Variants in CRTC2 observed in about 807,000 individuals in gnomAD.
CRTC2 encodes the protein CREB regulated transcription coactivator 2.
A neutral mutation model predicts 70.9 loss-of-function variants in CRTC2; 25 were observed. The ratio of observed to expected loss-of-function variants is 0.35; its 90% CI spans 0.26 to 0.49. The LOEUF is 0.49. Ranked by LOEUF, CRTC2 falls within the 20% of genes least tolerant of loss-of-function variation. CRTC2 has a pLI of 0.98. For synonymous variants in CRTC2, 330 were observed against 364.1 expected (o/e 0.91, Z 1.07); for missense variants, 737 against 882.6 (o/e 0.83, Z 2.09).
chr1:153,958,071 C>T, intron 1 of CRTC2: 1 of 1,348,158 alleles, frequency 7.4e-7, no homozygotes, highest in Non-Finnish European at 9.5e-7. Flanking sequence ...CTCCTACCTC[C>T]GCCGGACTTC....
intron 8 of CRTC2, 25 bp downstream of exon 8, chr1:153,952,546 G>A (rs1680388453): frequency 6.2e-7 from 1 of 1,613,328 alleles, no homozygotes; most frequent in East Asian, 2.2e-5. Context: ...AGACTAGTGG[G>A]TGACACCCGG....
Position 153,949,217 on chromosome 1 carries a change from G to T in CRTC2, c.1572C>A (p.Pro524=). 6.2e-7 allele frequency: 1 copy of T among 1,614,104 alleles called. No homozygotes were observed. Among genetic ancestry groups the T allele is most frequent in the Non-Finnish European group, 8.5e-7 (1 of 1,180,014 alleles). Residue 524 remains proline (P), a synonymous_variant, in exon 12 of 14, where the codon CCC becomes CCA. Coordinates refer to ENST00000368633, the MANE Select transcript of CRTC2 (RefSeq NM_181715.3). The stretch of plus-strand genomic sequence containing the variant: ...TCCCATAATGAGACTGCCTGCCTGG[G>T]GGCTGCCCACCTGAGGACTGCACTG... ...SCSVQSSGGQ[P]PGRQSHYGTP...
intron 1 of CRTC2, chr1:153,958,039 G>T (rs565338524): frequency 3.0e-4 from 385 of 1,275,292 alleles, no homozygotes; most frequent in Middle Eastern, 1.6e-3. Context: ...GACTCCGTCA[G>T]GGATGCACAA....
intron 4 of CRTC2, 125 bp downstream of exon 4, chr1:153,954,130 C>T (rs1680496701): frequency 1.5e-5 from 11 of 733,042 alleles, no homozygotes; most frequent in African/African-American, 1.7e-5. Flanking sequence ...TCAGCCCTGG[C>T]GTTATAGGAA....
chr1:153,951,732 C>G, intron 10 of CRTC2, 66 bp from the exon 11 acceptor site: 1 of 1,555,016 alleles, frequency 6.4e-7, no homozygotes, highest in South Asian at 1.2e-5. Flanking sequence ...CCTTTCCACC[C>G]AGAATGGGTG....
rs557807536 is a variant in CRTC2 at position 153,953,197 on chromosome 1, TAATAAATAAATA to T, written c.607+57_607+68del. ...GACTCCGTCTCAAAAAAGAAAGAAATAATAAATAAATAAATAAATAAATAAATAGCTCCATGG... is the reference window on the plus strand; with the variant it reads ...GACTCCGTCTCAAAAAAGAAAGAAATAATAAATAAATAAATAGCTCCATGG... On this transcript the variant is annotated intron_variant, in intron 6 of 13. Transcript: ENST00000368633. The T allele has an allele frequency of 3.5e-5, 29 of 822,726 alleles. No individual in the cohort carries two copies. The East Asian group carries it at 6.9e-4, about 19-fold the overall frequency. 51.0% of individuals were successfully genotyped at this position (822,726 alleles called of 1,614,324 possible).
chr1:153,954,441 G>T, intron 3 of CRTC2, 125 bp from the exon 4 acceptor site: 1 of 716,422 alleles, frequency 1.4e-6, no homozygotes, highest in Non-Finnish European at 2.5e-6. Flanking sequence ...CTTCTATAAG[G>T]GACAACAATA....
chr1:153,951,473 G>A lies in CRTC2; in HGVS notation c.1191C>T (p.Leu397=), dbSNP rs17854826. Residue 397 remains leucine (L), a synonymous_variant, in exon 11 of 14, where the codon CTC becomes CTT. Coordinates refer to ENST00000368633, the MANE Select transcript of CRTC2 (RefSeq NM_181715.3). ...LGHPSLSAPA[L]SSSSSSSSTS... The stretch of plus-strand genomic sequence containing the variant: ...TGGAGGAGGAGGAAGAGGAGGAGGA[G>A]AGAGCCGGAGCACTGAGTGAGGGGT... 1.3e-6 allele frequency: 2 copies of A among 1,599,090 alleles called. No homozygotes were observed. The highest frequency in any genetic ancestry group is 1.7e-6 in the Non-Finnish European group (2 of 1,172,500).
Position 153,949,316 on chromosome 1 carries a change from T to A in CRTC2, c.1473A>T (p.Pro491=). Residue 491 remains proline (P), a synonymous_variant, in exon 12 of 14, where the codon CCA becomes CCT. Coordinates refer to ENST00000368633, the MANE Select transcript of CRTC2 (RefSeq NM_181715.3). ...QRLPPYPYSS[P]SLVLPTQPHT... is the part of the protein sequence containing the mutation. The stretch of plus-strand genomic sequence containing the variant: ...GGGGCTGGGTAGGCAGAACCAGACT[T>A]GGGGAGCTGTATGGGTATGGGGGTA... The A allele has an allele frequency of 6.2e-7, 1 of 1,613,902 alleles. No homozygotes were observed. The highest frequency in any genetic ancestry group is 1.1e-5 in the South Asian group (1 of 91,070).
chr1:153,954,273 G>C lies in CRTC2; in HGVS notation c.416C>G (p.Pro139Arg). The change falls in exon 4 of 14, where the codon CCA (proline) becomes CGA (arginine). Residue 139 changes from proline (P) to arginine (R), a missense_variant. Pro to Arg is a moderately radical substitution (Grantham distance 103). This residue lies in a region of CRTC2 where 699 missense variants were observed against 823.7 expected (regional missense o/e 0.85). Transcript: ENST00000368633. ...CACTTACCTTCGCCAGCTAGACTCT[G>C]GGGGAGGAGATAAGTAGGCAGGACT... ...PYSPAYLSPP[P>R]ESSWRRTMAW... 6.2e-7 allele frequency: 1 copy of C among 1,612,384 alleles called. No individual in the cohort carries two copies. Among genetic ancestry groups the C allele is most frequent in the Non-Finnish European group, 8.5e-7 (1 of 1,179,044 alleles).
In CRTC2 at chr1:153,951,637, G is replaced by A; in HGVS notation, c.1027C>T (p.Leu343=). ...GLHSPLSHPS[L]QSSLSNPNLQ... ...TTGGGATTGCTTAGGGAGGACTGCA[G>A]GGATGGGTGGCTGAGAGGTGAATGA... Residue 343 remains leucine, a synonymous_variant, in exon 11 of 14, where the codon CTG becomes TTG. Coordinates refer to ENST00000368633, the MANE Select transcript of CRTC2 (RefSeq NM_181715.3). 6.2e-7 allele frequency: 1 copy of A among 1,613,712 alleles called. No individual in the cohort carries two copies. The highest frequency in any genetic ancestry group is 8.5e-7 in the Non-Finnish European group (1 of 1,179,824).
chr1:153,950,632 C>T (rs141441855), intron 11 of CRTC2, among the ~76,000 whole-genome samples: 5 of 152,280 alleles, frequency 3.3e-5, no homozygotes, highest in South Asian at 2.1e-4. Context: ...CTAAGAGCTT[C>T]GAGTTCTAGT....
At chr1:153,958,033 C>G (rs1383191428) in intron 1 of CRTC2, 49 of 1,255,610 alleles carry the variant, frequency 3.9e-5, no homozygotes, top group Non-Finnish European at 4.6e-5. Context: ...CGAGGGGACT[C>G]CGTCAGGGAT....
In CRTC2 at chr1:153,952,661, G is replaced by GA. The variant is rs1557869070; in HGVS notation, c.638-27dup. The GA allele has an allele frequency of 1.9e-6, 3 of 1,613,804 alleles. No homozygotes were observed. In the South Asian group the frequency reaches 3.3e-5, roughly 18 times the overall value. On this transcript the variant is annotated intron_variant, in intron 7 of 13. Coordinates refer to ENST00000368633, the MANE Select transcript of CRTC2 (RefSeq NM_181715.3). ...CTTGAAAGAGAAAGACTGGTGATGG[G>GA]AGAGTTGGAGAAAGAGCCAGTAAGG...
intron 7 of CRTC2, 24 bp downstream of exon 7, chr1:153,952,781 C>T: frequency 6.2e-7 from 1 of 1,614,134 alleles, no homozygotes. Context: ...GCATTCAGTA[C>T]CCACAGCAGT....
In CRTC2 at chr1:153,948,028, GTC is replaced by G; in HGVS notation, c.*79_*80del. On this transcript the variant is annotated 3_prime_UTR_variant, in exon 14 of 14. Transcript: ENST00000368633. ...AGAGGATCTGGGGACAGAGAGTAGA[GTC>G]TCTACCTGCCAGGGGGAAGGGAGGA... The G allele has an allele frequency of 7.6e-7, 1 of 1,319,998 alleles. No individual in the cohort carries two copies. Among genetic ancestry groups the G allele is most frequent in the Non-Finnish European group, 1.1e-6 (1 of 926,852 alleles). The allele number at this position is 1,319,998 out of a possible 1,614,324, so 81.8% of individuals were successfully genotyped here. A position where few individuals can be genotyped will look rare whatever the true frequency, so the allele number is the denominator to read the frequency against.
Position 153,958,349 on chromosome 1 carries a change from G to C in CRTC2, c.149C>G (p.Thr50Ser). The change falls in exon 1 of 14, where the codon ACC becomes AGC. Residue 50 changes from threonine (T) to serine (S), a missense_variant. Transcript: ENST00000368633. ...CTCCCCGGCGCGGCCCCTCACCCGG[G>C]TGGAGCCGATGTCCATCATCACCTC... ...FEEVMMDIGS[T>S]RLQAQKLRLA... 6.2e-7 allele frequency: 1 copy of C among 1,611,918 alleles called. No individual in the cohort carries two copies. The highest frequency in any genetic ancestry group is 1.1e-5 in the South Asian group (1 of 90,970).
At chr1:153,958,281 G>C in intron 1 of CRTC2, 64 bp downstream of exon 1, 2 of 1,555,676 alleles carry the variant, frequency 1.3e-6, no homozygotes, top group Non-Finnish European at 8.7e-7. Flanking sequence ...CCCCCGCCCC[G>C]CCTCTCCGGT....
intron 12 of CRTC2, chr1:153,948,850 T>C (rs777989459): frequency 2.5e-5 from 19 of 748,006 alleles, no homozygotes; most frequent in South Asian, 1.9e-4. Flanking sequence ...GGCCAGAGCA[T>C]GTGCATGCCA....
Sources: gnomAD v4.1 joint callset for allele counts (sites outside exome capture counted in the v4.1 genomes callset) on GRCh38, gnomAD v4.1.1 for gene constraint, gnomAD v4.1.1 regional missense constraint, MANE v1.5 for transcripts, NCBI Gene and HGNC (gene_info 2026-07-23, HGNC 2026-07-21) for gene names.